AQP9: variants seen among roughly 807,000 people sequenced by gnomAD.
AQP9 encodes the protein aquaporin-9.
Under a neutral mutation model 23.8 loss-of-function variants are expected in AQP9, and 19 were observed. The ratio of observed to expected loss-of-function variants is 0.80; its 90% confidence interval spans 0.56 to 1.17. The LOEUF (loss-of-function observed/expected upper bound fraction) is 1.17, where lower values mean the gene tolerates loss of function less well. AQP9 is among the 50% of genes most tolerant of loss of function. The pLI, the probability that AQP9 is intolerant of heterozygous loss-of-function variation, is 0.00. For missense variants in AQP9, 413 were observed against 362.0 expected, an observed-to-expected ratio of 1.14 and a Z score of -1.14; for synonymous variants, 153 against 131.5, an observed-to-expected ratio of 1.16 and a Z score of -1.12.
intron 4 of AQP9, among the ~76,000 whole-genome samples, chr15:58,178,581 T>A (rs1448805567): frequency 3.9e-5 from 6 of 152,212 alleles, no homozygotes; most frequent in Non-Finnish European, 5.9e-5. Flanking sequence ...AAGCCTGAAA[T>A]AACGGGTATC....
chr15:58,163,346 G>A (rs1180215516), intron 1 of AQP9, among the ~76,000 whole-genome samples: 1 of 152,228 alleles, frequency 6.6e-6, no homozygotes, highest in African/African-American at 2.4e-5. Context: ...TAGGCCTGCA[G>A]AGGAGGAGTG....
intron 2 of AQP9, among the ~76,000 whole-genome samples, chr15:58,172,212 C>T (rs1898640396): frequency 6.6e-6 from 1 of 152,176 alleles, no homozygotes; most frequent in African/African-American, 2.4e-5. Context: ...TCCGTCCATG[C>T]CTCAGTTTTC....
intron 1 of AQP9, among the ~76,000 whole-genome samples, chr15:58,148,936 A>C (rs1898098017): frequency 6.6e-6 from 1 of 152,054 alleles, no homozygotes. Flanking sequence ...GCCTCTTTTC[A>C]AGTACAGCTG....
At chr15:58,173,380 C>G (rs529302325) in intron 3 of AQP9, among the ~76,000 whole-genome samples, 175 bp downstream of exon 3, 2 of 152,136 alleles carry the variant, frequency 1.3e-5, no homozygotes, top group Non-Finnish European at 2.9e-5. Context: ...ATTCGTGAAT[C>G]CTGTTAATGA....
intron 1 of AQP9, chr15:58,138,899 G>T: frequency 2.1e-6 from 1 of 465,202 alleles, no homozygotes; most frequent in Non-Finnish European, 3.9e-6. Flanking sequence ...TGATGGGAAT[G>T]GAAGAGAAGG....
Position 58,162,243 on chromosome 15 carries a change from C to T in AQP9, c.112-4430C>T, listed in dbSNP as rs372179113. ...ACCCAAGTGAGACTCACTGGGAGTCCGAGGAGACGCAGAGATCAAAGATGA... is the reference window on the plus strand; with the variant it reads ...ACCCAAGTGAGACTCACTGGGAGTCTGAGGAGACGCAGAGATCAAAGATGA... On this transcript the variant is annotated intron_variant, in intron 1 of 5. Transcript: ENST00000219919. 7.9e-5 allele frequency among the ~76,000 whole-genome samples: 12 copies of T among 152,238 alleles called. No homozygotes were observed. The East Asian group carries it at 1.7e-3, about 22-fold the overall frequency.
At chr15:58,158,160 G>A (rs1261159966) in intron 1 of AQP9, among the ~76,000 whole-genome samples, 1 of 152,110 alleles carries the variant, frequency 6.6e-6, no homozygotes, top group Non-Finnish European at 1.5e-5. Flanking sequence ...TTCCCAGACA[G>A]CCCTTTGCTT....
At chr15:58,179,790 A>G (rs1278708627) in intron 5 of AQP9, among the ~76,000 whole-genome samples, 1 of 152,142 alleles carries the variant, frequency 6.6e-6, no homozygotes, top group Non-Finnish European at 1.5e-5. Context: ...GTTGGGCATT[A>G]TCTGTGCTTT....
At chr15:58,167,254 C>G (rs1367561646) in intron 2 of AQP9, among the ~76,000 whole-genome samples, 4 of 152,178 alleles carry the variant, frequency 2.6e-5, no homozygotes, top group African/African-American at 9.7e-5. Flanking sequence ...CAGATCTGAT[C>G]TACAAGGTCT....
At chr15:58,178,639 GT>G (rs1443934005) in intron 4 of AQP9, among the ~76,000 whole-genome samples, 1 of 152,166 alleles carries the variant, frequency 6.6e-6, no homozygotes, top group Non-Finnish European at 1.5e-5. Flanking sequence ...TTACTAATGA[GT>G]TTTTACCACT....
intron 1 of AQP9, chr15:58,153,569 T>A (rs1898191615): frequency 6.6e-6 from 1 of 152,182 alleles, no homozygotes; most frequent in African/African-American, 2.4e-5. Flanking sequence ...CACCTAGCAT[T>A]TCTTTATATC....
chr15:58,183,743 T>C (rs1898944532), intron 5 of AQP9, among the ~76,000 whole-genome samples: 1 of 152,148 alleles, frequency 6.6e-6, no homozygotes, highest in South Asian at 2.1e-4. Flanking sequence ...ATCTCACAAA[T>C]ATTAGTAGGA....
At chr15:58,149,545 T>TGGGCTAATGCATG (rs1369444957) in intron 1 of AQP9, among the ~76,000 whole-genome samples, 2 of 152,242 alleles carry the variant, frequency 1.3e-5, no homozygotes, top group Non-Finnish European at 2.9e-5. Flanking sequence ...TGAGGACTGA[T>TGGGCTAATGCATG]GGGCTAATGC....
intron 1 of AQP9, among the ~76,000 whole-genome samples, chr15:58,158,293 A>C (rs1283617641): frequency 6.6e-6 from 1 of 152,156 alleles, no homozygotes; most frequent in Non-Finnish European, 1.5e-5. Context: ...CTCTTGTTCC[A>C]TCCAGTGTGT....
At chr15:58,144,271 TTG>T (rs1446367484) in intron 1 of AQP9, among the ~76,000 whole-genome samples, 1 of 151,876 alleles carries the variant, frequency 6.6e-6, no homozygotes, top group Non-Finnish European at 1.5e-5. Flanking sequence ...CTTTTCATAT[TTG>T]TGTCTTTAAA....
intron 1 of AQP9, among the ~76,000 whole-genome samples, chr15:58,146,536 T>C (rs187376848): frequency 6.6e-6 from 1 of 152,348 alleles, no homozygotes; most frequent in African/African-American, 2.4e-5. Context: ...TATAATATTT[T>C]AAACCTGTTC....
chr15:58,180,757 C>T (rs1055853095), intron 5 of AQP9, among the ~76,000 whole-genome samples: 8 of 152,170 alleles, frequency 5.3e-5, no homozygotes, highest in East Asian at 3.9e-4. Flanking sequence ...AATGGGTAGA[C>T]GCCAGGAATG....
intron 3 of AQP9, among the ~76,000 whole-genome samples, chr15:58,174,592 A>T (rs1433014707): frequency 6.6e-6 from 1 of 152,226 alleles, no homozygotes; most frequent in East Asian, 1.9e-4. Flanking sequence ...AGCAAGACCA[A>T]GCCCCACTTT....
Position 58,184,123 on chromosome 15 carries a change from T to C in AQP9, c.876T>C (p.Ser292=). 6.2e-7 allele frequency: 1 copy of C among 1,613,984 alleles called. No homozygotes were observed. Among genetic ancestry groups the C allele is most frequent in the South Asian group, 1.1e-5 (1 of 91,064 alleles). Residue 292 remains serine, a synonymous_variant, in exon 6 of 6, where the codon AGT becomes AGC. Transcript: ENST00000219919. ...ACAAACCAGAGAAATATGAACTCAG[T>C]GTCATCATGTAGTGGCATGCTCAGC... ...SEDKPEKYEL[S]VIM
Sources: allele counts gnomAD v4.1 joint callset (sites outside exome capture counted in the v4.1 genomes callset), GRCh38; gene constraint gnomAD v4.1.1; transcripts MANE v1.5; gene names NCBI Gene and HGNC (gene_info 2026-07-23, HGNC 2026-07-21).